SKAP2: variants seen among roughly 807,000 people sequenced by gnomAD.
SKAP2 encodes src kinase associated phosphoprotein 2, also known as src kinase-associated phosphoprotein 2.
SKAP2 carries 28 observed loss-of-function variants against 54.9 expected under a neutral mutation model. The observed-to-expected ratio is 0.51, with a 90% confidence interval of 0.38 to 0.70. SKAP2 has a LOEUF of 0.70. SKAP2 is among the 30% of genes least tolerant of loss of function. SKAP2 has a pLI of 0.00. For synonymous variants in SKAP2, 137 were observed against 134.3 expected (o/e 1.02, Z -0.14); for missense variants, 356 against 424.1 (o/e 0.84, Z 1.41).
intron 4 of SKAP2, among the ~76,000 whole-genome samples, chr7:26,829,438 G>A (rs969704319): frequency 1.3e-5 from 2 of 152,164 alleles, no homozygotes; most frequent in African/African-American, 2.4e-5. Flanking sequence ...AGCTACTTGA[G>A]AGGCTGAGTT....
chr7:26,740,536 T>G (rs373020006), intron 4 of SKAP2, among the ~76,000 whole-genome samples: 9 of 152,124 alleles, frequency 5.9e-5, no homozygotes, highest in African/African-American at 2.2e-4. Context: ...ACTAGACAGA[T>G]CTGATAAAAC....
intron 4 of SKAP2, among the ~76,000 whole-genome samples, chr7:26,744,496 G>T (rs1782518371): frequency 6.6e-6 from 1 of 152,140 alleles, no homozygotes; most frequent in African/African-American, 2.4e-5. Context: ...CAAGTCCCTT[G>T]AGTAGGCAAG....
chr7:26,781,261 G>C (rs780135428), intron 4 of SKAP2, among the ~76,000 whole-genome samples: 21 of 151,998 alleles, frequency 1.4e-4, no homozygotes, highest in Non-Finnish European at 2.5e-4. Flanking sequence ...ACAGAGCAGG[G>C]TGCATCTAAA....
chr7:26,829,493 T>C (rs1784560071), intron 4 of SKAP2, among the ~76,000 whole-genome samples: 1 of 152,062 alleles, frequency 6.6e-6, no homozygotes, highest in African/African-American at 2.4e-5. Context: ...CAGAGGGCCC[T>C]GATCATACCA....
rs73683500 is a variant in SKAP2 at position 26,677,996 on chromosome 7, G to A, written c.987+6740C>T. Among the ~76,000 whole-genome samples the A allele has an allele frequency of 5.4e-3, 826 of 152,314 alleles. 12 individuals are homozygous for A. Among genetic ancestry groups the A allele is most frequent in the African/African-American group, 0.018 (756 of 41,560 alleles). On this transcript the variant is annotated intron_variant, in intron 11 of 12. Coordinates refer to ENST00000345317, the MANE Select transcript of SKAP2 (RefSeq NM_003930.5). ...AGTCCTAATCAAGTCCCACTTAACC[G>A]TAGCAAAGTAGAAAGAGAAAAGGCT... is the stretch of plus-strand genomic sequence containing the variant.
Position 26,800,378 on chromosome 7 carries a change from A to G in SKAP2, c.307+43652T>C, listed in dbSNP as rs1440691591. On this transcript the variant is annotated intron_variant, in intron 4 of 12. Coordinates refer to ENST00000345317, the MANE Select transcript of SKAP2 (RefSeq NM_003930.5). ...ATGTGATACAGCAAAAGCAGTACTC[A>G]GAAGGACATTTATAGCTATAAGTGC... Among the ~76,000 whole-genome samples, 4 of 152,324 alleles carry G rather than the reference A, an allele frequency of 2.6e-5. No individual in the cohort carries two copies. The East Asian group carries it at 7.7e-4, about 29-fold the overall frequency.
In SKAP2 at chr7:26,864,485, G is replaced by C; in HGVS notation, c.-56C>G. ...ACCTGCGCTGAAAAGGTGACCGACG[G>C]GGTGGGGCTGCGGCTGCGACCTAGA... On this transcript the variant is annotated 5_prime_UTR_variant, in exon 1 of 13. Transcript: ENST00000345317. 1 of 1,546,324 alleles carries C rather than the reference G, an allele frequency of 6.5e-7. No individual in the cohort carries two copies.
At chr7:26,804,172 T>G (rs1474714601) in intron 4 of SKAP2, among the ~76,000 whole-genome samples, 1 of 152,196 alleles carries the variant, frequency 6.6e-6, no homozygotes, top group African/African-American at 2.4e-5. Flanking sequence ...TGGCCCATGC[T>G]CCATGATGTG....
At chr7:26,736,055 T>C (rs1055906350) in intron 6 of SKAP2, among the ~76,000 whole-genome samples, 1 of 152,180 alleles carries the variant, frequency 6.6e-6, no homozygotes, top group Non-Finnish European at 1.5e-5. Flanking sequence ...AAAGGAATGC[T>C]AAAATGGTAA....
chr7:26,827,380 T>C (rs1056265401), intron 4 of SKAP2, among the ~76,000 whole-genome samples: 40 of 152,338 alleles, frequency 2.6e-4, no homozygotes, highest in African/African-American at 8.7e-4. Context: ...GCACGCTCCA[T>C]TGCTTGACTC....
chr7:26,716,426 GCTTT>G (rs1787440650), intron 9 of SKAP2, among the ~76,000 whole-genome samples: 2 of 152,066 alleles, frequency 1.3e-5, no homozygotes, highest in South Asian at 4.1e-4. Context: ...AGCTATAGTA[GCTTT>G]CTTTGGATAG....
intron 4 of SKAP2, among the ~76,000 whole-genome samples, chr7:26,748,455 T>C (rs1231965471): frequency 6.6e-6 from 1 of 152,100 alleles, no homozygotes; most frequent in Non-Finnish European, 1.5e-5. Flanking sequence ...ATTTATAATA[T>C]AGGGCACCCT....
At chr7:26,806,986 C>T (rs1784042144) in intron 4 of SKAP2, among the ~76,000 whole-genome samples, 1 of 152,182 alleles carries the variant, frequency 6.6e-6, no homozygotes, top group Non-Finnish European at 1.5e-5. Context: ...GAGAAAGTCG[C>T]TGCAGATATG....
chr7:26,737,481 G>T (rs376637279), intron 6 of SKAP2, among the ~76,000 whole-genome samples: 14 of 152,106 alleles, frequency 9.2e-5, no homozygotes, highest in Admixed American at 8.5e-4. Context: ...CCAGCATTAT[G>T]TAAGTATTTC....
intron 2 of SKAP2, 64 bp from the exon 3 acceptor site, chr7:26,854,226 CAAT>C (rs1785111821): frequency 3.8e-6 from 4 of 1,063,380 alleles, no homozygotes; most frequent in Admixed American, 5.5e-5. Context: ...TAATCAGTAA[CAAT>C]AATTAAAATC....
chr7:26,791,567 C>A (rs1411687238), intron 4 of SKAP2, among the ~76,000 whole-genome samples: 2 of 152,118 alleles, frequency 1.3e-5, no homozygotes, highest in East Asian at 3.9e-4. Context: ...GCAGACTTGA[C>A]TAACAATTAG....
At chr7:26,854,610 T>C (rs1325643826) in intron 2 of SKAP2, among the ~76,000 whole-genome samples, 175 bp downstream of exon 2, 1 of 152,040 alleles carries the variant, frequency 6.6e-6, no homozygotes, top group East Asian at 1.9e-4. Flanking sequence ...GATAAGCATA[T>C]CTGTGTTTAA....
Position 26,799,900 on chromosome 7 carries a change from C to T in SKAP2, c.307+44130G>A, listed in dbSNP as rs773601034. Among the ~76,000 whole-genome samples, 50 of 151,894 alleles carry T rather than the reference C, an allele frequency of 3.3e-4. 1 individual carries two copies. The highest frequency in any genetic ancestry group is 5.8e-4 in the East Asian group (3 of 5,162). On this transcript the variant is annotated intron_variant, in intron 4 of 12. Coordinates refer to ENST00000345317, the MANE Select transcript of SKAP2 (RefSeq NM_003930.5). ...TTGGGAGGCTGAGGCAGGTGGATCACGAGGTCAGGAGATAGAGACCATCCT... is the reference window on the plus strand; with the variant it reads ...TTGGGAGGCTGAGGCAGGTGGATCATGAGGTCAGGAGATAGAGACCATCCT...
intron 9 of SKAP2, among the ~76,000 whole-genome samples, chr7:26,713,393 T>C (rs1033869510): frequency 6.6e-6 from 1 of 152,180 alleles, no homozygotes; most frequent in East Asian, 1.9e-4. Context: ...GAATCTGACA[T>C]GCAATGGGCT....
Sources: allele counts gnomAD v4.1 joint callset (sites outside exome capture counted in the v4.1 genomes callset), GRCh38; gene constraint gnomAD v4.1.1; transcripts MANE v1.5; gene names NCBI Gene and HGNC (gene_info 2026-07-23, HGNC 2026-07-21).